Variants in NFIL3 observed in about 807,000 individuals in gnomAD.
NFIL3 encodes nuclear factor, interleukin 3 regulated.
Under a neutral mutation model 10.0 loss-of-function variants are expected in NFIL3, and 5 were observed. The ratio of observed to expected loss-of-function variants is 0.50; its 90% CI spans 0.26 to 1.06. The LOEUF (loss-of-function observed/expected upper bound fraction) is 1.06. NFIL3 is among the 50% of genes least tolerant of loss of function. The probability of loss-of-function intolerance (pLI) is 0.13; values close to 1 mark genes in which losing one functional copy is unlikely to be tolerated. For synonymous variants in NFIL3, 202 were observed against 206.5 expected (o/e 0.98, Z 0.19); for missense variants, 436 against 547.6 (o/e 0.80, Z 2.03).
At chr9:91,455,999 T>G in the NFIL3 span, among the ~76,000 whole-genome samples, 1 of 152,228 alleles carries the variant, frequency 6.6e-6, no homozygotes, top group Non-Finnish European at 1.5e-5. Flanking sequence ...GGAGATTAAT[T>G]CACACTGTCT....
intron 1 of NFIL3, among the ~76,000 whole-genome samples, chr9:91,413,415 A>AT (rs946008430): frequency 6.6e-6 from 1 of 151,788 alleles, no homozygotes; most frequent in Non-Finnish European, 1.5e-5. Context: ...CGCCCAGCTA[A>AT]TTTTTTTGTA....
In NFIL3 at chr9:91,417,595, T is replaced by G. The variant is rs115709918; in HGVS notation, c.-173+6045A>C. 1.3e-3 allele frequency among the ~76,000 whole-genome samples: 195 copies of G among 152,270 alleles called. 1 individual carries two copies. Among genetic ancestry groups the G allele is most frequent in the African/African-American group, 4.5e-3 (187 of 41,530 alleles). On this transcript the variant is annotated intron_variant, in intron 1 of 1. Coordinates refer to ENST00000297689, the MANE Select transcript of NFIL3 (RefSeq NM_005384.3). ...AAATAAGAAAAGAATTCACTATACA[T>G]GTACAACCCAGAGGAAATGGGGAGT...
the NFIL3 span, among the ~76,000 whole-genome samples, chr9:91,460,425 C>G: frequency 6.6e-6 from 1 of 151,690 alleles, no homozygotes; most frequent in Admixed American, 6.6e-5. Flanking sequence ...TAGGTGTGCA[C>G]CATCATGCCT....
chr9:91,468,128 C>G, the NFIL3 span, among the ~76,000 whole-genome samples: 4 of 152,128 alleles, frequency 2.6e-5, no homozygotes, highest in South Asian at 2.1e-4. Context: ...TTCCACAATG[C>G]TTGAACTAGT....
the NFIL3 span, among the ~76,000 whole-genome samples, chr9:91,462,900 AT>A: frequency 6.6e-6 from 1 of 151,522 alleles, no homozygotes; most frequent in African/African-American, 2.4e-5. Flanking sequence ...CAGTTTATCT[AT>A]TTTTTTGTAT....
the NFIL3 span, among the ~76,000 whole-genome samples, chr9:91,442,774 A>G: frequency 6.6e-6 from 1 of 152,108 alleles, no homozygotes; most frequent in Non-Finnish European, 1.5e-5. Flanking sequence ...GCCAGGAACC[A>G]CACAGACCCA....
the NFIL3 span, among the ~76,000 whole-genome samples, chr9:91,448,748 G>A: frequency 7.4e-6 from 1 of 135,792 alleles, no homozygotes; most frequent in African/African-American, 3.4e-5. Flanking sequence ...ATGAAGTAAA[G>A]ATTGGCTTGT....
the NFIL3 span, among the ~76,000 whole-genome samples, chr9:91,456,212 C>A: frequency 6.6e-6 from 1 of 152,072 alleles, no homozygotes; most frequent in Non-Finnish European, 1.5e-5. Context: ...CAAATTGTTC[C>A]AGCACTTTCA....
the NFIL3 span, among the ~76,000 whole-genome samples, chr9:91,459,577 C>T: frequency 6.6e-6 from 1 of 152,046 alleles, no homozygotes; most frequent in South Asian, 2.1e-4. Flanking sequence ...CCTAGCTACT[C>T]AGGAAGCTGA....
At chr9:91,412,039 T>TGCA (rs1833560284) in intron 1 of NFIL3, among the ~76,000 whole-genome samples, 1 of 140,968 alleles carries the variant, frequency 7.1e-6, no homozygotes. Context: ...GAGGCAGAGA[T>TGCA]TGCAGTGAGC....
the NFIL3 span, among the ~76,000 whole-genome samples, chr9:91,471,641 C>T: frequency 1.1e-4 from 16 of 152,080 alleles, no homozygotes; most frequent in African/African-American, 3.9e-4. Context: ...TTAGGTATAT[C>T]TCCTAATGCT....
chr9:91,480,498 T>G, the NFIL3 span, among the ~76,000 whole-genome samples: 2 of 152,154 alleles, frequency 1.3e-5, no homozygotes, highest in Non-Finnish European at 2.9e-5. Context: ...GAAAAAAATG[T>G]TAAATTCCTA....
At chr9:91,457,193 G>A in the NFIL3 span, among the ~76,000 whole-genome samples, 1 of 151,280 alleles carries the variant, frequency 6.6e-6, no homozygotes, top group Non-Finnish European at 1.5e-5. Context: ...AGTTCTCTTG[G>A]TGTTCCAATC....
chr9:91,459,877 G>T, the NFIL3 span, among the ~76,000 whole-genome samples: 588 of 152,154 alleles, frequency 3.9e-3, 2 homozygotes, highest in African/African-American at 0.014. Context: ...GATGAATGGG[G>T]GTAATGAGAC....
chr9:91,420,981 C>A (rs1482107961), intron 1 of NFIL3, among the ~76,000 whole-genome samples: 1 of 152,146 alleles, frequency 6.6e-6, no homozygotes, highest in Non-Finnish European at 1.5e-5. Context: ...AATACTGGAG[C>A]GCCTCCACCC....
chr9:91,481,117 T>C, the NFIL3 span, among the ~76,000 whole-genome samples: 4 of 152,258 alleles, frequency 2.6e-5, no homozygotes, highest in Admixed American at 6.5e-5. Context: ...AGAGTTAACA[T>C]TGAAAGACTC....
Position 91,409,481 on chromosome 9 carries a change from C to G in NFIL3, c.1254G>C (p.Met418Ile), listed in dbSNP as rs750505884. The G allele has an allele frequency of 3.7e-6, 6 of 1,614,140 alleles. No homozygotes were observed. Among genetic ancestry groups the G allele is most frequent in the Non-Finnish European group, 5.1e-6 (6 of 1,180,018 alleles). The change falls in exon 2 of 2, where the codon ATG (methionine) becomes ATC (isoleucine). Residue 418 changes from methionine (M) to isoleucine (I), a missense_variant. Physicochemically the swap from Met to Ile is conservative, Grantham distance 10. Around this residue, in one of 3 missense-constraint regions of NFIL3, gnomAD observed 338 missense variants for 399.9 expected, o/e 0.85. Coordinates refer to ENST00000297689, the MANE Select transcript of NFIL3 (RefSeq NM_005384.3). Reference protein sequence around the residue: ...QNSFKTGVVEMKDSGYKVSDP... With the variant: ...QNSFKTGVVEIKDSGYKVSDP... Reference sequence around the variant, plus strand: ...CAGAAACTTTGTAGCCACTGTCTTTCATTTCAACAACTCCAGTTTTGAAAC... The same window carrying G: ...CAGAAACTTTGTAGCCACTGTCTTTGATTTCAACAACTCCAGTTTTGAAAC...
the NFIL3 span, among the ~76,000 whole-genome samples, chr9:91,443,999 T>G: frequency 6.6e-6 from 1 of 152,030 alleles, no homozygotes; most frequent in African/African-American, 2.4e-5. Flanking sequence ...TTTTCAGCAA[T>G]TATTTCATTA....
the NFIL3 span, among the ~76,000 whole-genome samples, chr9:91,467,584 C>T: frequency 1.3e-5 from 2 of 151,868 alleles, no homozygotes; most frequent in Non-Finnish European, 2.9e-5. Flanking sequence ...ATGTACATAA[C>T]GTGCAGGTTT....
Sources: gnomAD v4.1 joint callset for allele counts (sites outside exome capture counted in the v4.1 genomes callset) on GRCh38, gnomAD v4.1.1 for gene constraint, gnomAD v4.1.1 regional missense constraint, MANE v1.5 for transcripts, NCBI Gene and HGNC (gene_info 2026-07-23, HGNC 2026-07-21) for gene names.